KRCC1: variants seen among roughly 807,000 people sequenced by gnomAD.
KRCC1 encodes lysine-rich coiled-coil protein 1.
In KRCC1, 3 loss-of-function variants were observed where a neutral mutation model predicts 7.4. The ratio of observed to expected loss-of-function variants is 0.40; its 90% CI spans 0.18 to 1.04. KRCC1 has a LOEUF of 1.04. Ranked by LOEUF, KRCC1 falls within the 50% of genes least tolerant of loss-of-function variation. The pLI is 0.33. For synonymous variants in KRCC1, 102 were observed against 101.6 expected (o/e 1.00, Z -0.02); for missense variants, 277 against 300.9 (o/e 0.92, Z 0.59).
rs1353079646 is a variant in KRCC1, at chr2:88,035,357, A to C, written c.-181-1065T>G. On this transcript the variant is annotated intron_variant, in intron 2 of 3. Coordinates refer to ENST00000347055, the MANE Select transcript of KRCC1 (RefSeq NM_016618.3). The stretch of plus-strand genomic sequence containing the variant: ...TGTAGCCATGTGAATAATTCTGGTC[A>C]ATAAGAAGAAAGCTGAAGTGTTGTG... Among the ~76,000 whole-genome samples the C allele has an allele frequency of 3.3e-5, 5 of 152,342 alleles. No homozygotes were observed. The East Asian group carries it at 9.6e-4, about 29-fold the overall frequency.
chr2:88,035,524 T>C (rs928684626), intron 2 of KRCC1, among the ~76,000 whole-genome samples: 3 of 152,144 alleles, frequency 2.0e-5, no homozygotes, highest in East Asian at 1.9e-4. Flanking sequence ...CTGATGATCA[T>C]GGAACTGTCC....
intron 1 of KRCC1, among the ~76,000 whole-genome samples, chr2:88,047,322 A>T (rs1673359098): frequency 6.6e-6 from 1 of 152,168 alleles, no homozygotes; most frequent in African/African-American, 2.4e-5. Flanking sequence ...GGCTCAAGCG[A>T]TCCTCCTGCC....
At chr2:88,044,062 G>A (rs1673276354) in intron 1 of KRCC1, among the ~76,000 whole-genome samples, 1 of 152,178 alleles carries the variant, frequency 6.6e-6, no homozygotes, top group Non-Finnish European at 1.5e-5. Context: ...CTGAAGCACA[G>A]AAAGGTTAAG....
intron 1 of KRCC1, among the ~76,000 whole-genome samples, chr2:88,039,179 T>C (rs1410740496): frequency 6.6e-6 from 1 of 152,208 alleles, no homozygotes; most frequent in African/African-American, 2.4e-5. Context: ...TTTAACATAT[T>C]GCTCTTTGTA....
At chr2:88,045,970 G>A (rs556117620) in intron 1 of KRCC1, among the ~76,000 whole-genome samples, 64 of 152,226 alleles carry the variant, frequency 4.2e-4, no homozygotes, top group African/African-American at 1.5e-3. Context: ...GTGAGCCACC[G>A]TGCCCGGCCT....
At chr2:88,040,013 C>A (rs1271343949) in intron 1 of KRCC1, among the ~76,000 whole-genome samples, 2 of 152,032 alleles carry the variant, frequency 1.3e-5, no homozygotes, top group Non-Finnish European at 2.9e-5. Flanking sequence ...AAAAATAAAT[C>A]TTTAATAAGA....
chr2:88,044,189 A>G (rs11127082), intron 1 of KRCC1, among the ~76,000 whole-genome samples: 137,416 of 151,914 alleles, frequency 0.9, 62,521 homozygotes, highest in East Asian at 1. Flanking sequence ...CTACATTCTG[A>G]TATCCATTTC....
At position 88,044,104 on chromosome 2, in the gene KRCC1, C is replaced by T. The variant is rs181133665; in HGVS notation, c.-290-7053G>A. 1.9e-3 allele frequency among the ~76,000 whole-genome samples: 295 copies of T among 152,362 alleles called. 5 individuals carry two copies. The highest frequency in any genetic ancestry group is 6.8e-3 in the African/African-American group (281 of 41,578). On this transcript the variant is annotated intron_variant, in intron 1 of 3. Coordinates refer to ENST00000347055, the MANE Select transcript of KRCC1 (RefSeq NM_016618.3). The stretch of plus-strand genomic sequence containing the variant: ...GTCCATGGTTGCAGTTAGTAAATGA[C>T]AAGGCAGTCTGGCTCCATAATCTGT...
intron 1 of KRCC1, among the ~76,000 whole-genome samples, chr2:88,046,304 C>T (rs1489134468): frequency 2.0e-5 from 3 of 152,216 alleles, no homozygotes; most frequent in East Asian, 1.9e-4. Context: ...GCCTTAGGTT[C>T]CTTACCTCTA....
intron 1 of KRCC1, among the ~76,000 whole-genome samples, chr2:88,045,199 A>T (rs1441694759): frequency 1.3e-5 from 2 of 152,176 alleles, no homozygotes; most frequent in Non-Finnish European, 2.9e-5. Flanking sequence ...ATGAAGTTAA[A>T]TACATAGCTA....
chr2:88,049,926 T>C (rs971854752), intron 1 of KRCC1, among the ~76,000 whole-genome samples: 1 of 152,242 alleles, frequency 6.6e-6, no homozygotes, highest in Non-Finnish European at 1.5e-5. Flanking sequence ...GCAGAGCACA[T>C]ATTTATGCAA....
chr2:88,028,657 T>TTC, intron 3 of KRCC1, 72 bp from the exon 4 acceptor site: 2 of 856,624 alleles, frequency 2.3e-6, no homozygotes, highest in Non-Finnish European at 3.5e-6. Flanking sequence ...TTTTTTTTTT[T>TTC]TTTTTTTCTT....
Position 88,027,433 on chromosome 2 carries a change from C to G in KRCC1, c.*351G>C. 5.5e-6 allele frequency: 1 copy of G among 181,752 alleles called. No individual in the cohort carries two copies. 11.3% of individuals were successfully genotyped at this position (181,752 alleles called of 1,614,324 possible). A position where few individuals can be genotyped will look rare whatever the true frequency, so the allele number is the denominator to read the frequency against. On this transcript the variant is annotated 3_prime_UTR_variant, in exon 4 of 4. Coordinates refer to ENST00000347055, the MANE Select transcript of KRCC1 (RefSeq NM_016618.3). ...ATACCCAACTCAAAACTATAACAAA[C>G]CCAATCAAGAAACAGATTGTGCAAA...
chr2:88,036,052 C>T (rs1480806166), intron 2 of KRCC1, among the ~76,000 whole-genome samples: 1 of 152,174 alleles, frequency 6.6e-6, no homozygotes, highest in Non-Finnish European at 1.5e-5. Context: ...GTACTTTAAT[C>T]TCAACCATCA....
At chr2:88,042,763 T>C (rs1488010786) in intron 1 of KRCC1, among the ~76,000 whole-genome samples, 1 of 152,192 alleles carries the variant, frequency 6.6e-6, no homozygotes, top group Non-Finnish European at 1.5e-5. Flanking sequence ...TGGTATTTGC[T>C]ATGGCTCCCA....
In KRCC1 at chr2:88,055,744, C is replaced by G. The variant is rs1158821938; in HGVS notation, c.-409G>C. 6.5e-6 allele frequency: 1 copy of G among 154,162 alleles called. No individual in the cohort carries two copies. Among genetic ancestry groups the G allele is most frequent in the African/African-American group, 2.4e-5 (1 of 41,400 alleles). 9.5% of individuals were successfully genotyped at this position (154,162 alleles called of 1,614,324 possible). A position where few individuals can be genotyped will look rare whatever the true frequency, so the allele number is the denominator to read the frequency against. On this transcript the variant is annotated 5_prime_UTR_variant, in exon 1 of 4. Transcript: ENST00000347055. ...AGGCAGGAACAACCGCTGCCGCCAC[C>G]GCCGCCTCCGCCGCCGAGCAGGCTG...
At chr2:88,044,891 T>TG (rs1673297069) in intron 1 of KRCC1, among the ~76,000 whole-genome samples, 1 of 135,504 alleles carries the variant, frequency 7.4e-6, no homozygotes, top group African/African-American at 2.8e-5. Flanking sequence ...TTTTTGGAGA[T>TG]GGAGTAGCTC....
chr2:88,047,350 G>T (rs534636853), intron 1 of KRCC1, among the ~76,000 whole-genome samples: 13 of 152,110 alleles, frequency 8.5e-5, no homozygotes, highest in Non-Finnish European at 4.4e-5. Context: ...CCCAAGTGCT[G>T]GGATTACAGG....
Position 88,039,148 on chromosome 2 carries a change from A to G in KRCC1, c.-290-2097T>C, listed in dbSNP as rs577519926. Among the ~76,000 whole-genome samples, 311 of 152,206 alleles carry G rather than the reference A, an allele frequency of 2.0e-3. 1 individual carries two copies. The highest frequency in any genetic ancestry group is 7.1e-3 in the African/African-American group (293 of 41,470). On this transcript the variant is annotated intron_variant, in intron 1 of 3. Transcript: ENST00000347055. ...GGTTTGAGAAATGGGAAATTGGGTCAAAAATGAGTAGGGTCAAACATTTAA... is the reference window on the plus strand; with the variant it reads ...GGTTTGAGAAATGGGAAATTGGGTCGAAAATGAGTAGGGTCAAACATTTAA...
Sources: allele counts gnomAD v4.1 joint callset (sites outside exome capture counted in the v4.1 genomes callset), GRCh38; gene constraint gnomAD v4.1.1; transcripts MANE v1.5; gene names NCBI Gene and HGNC (gene_info 2026-07-23, HGNC 2026-07-21).